LINGO2: variants seen among roughly 807,000 people sequenced by gnomAD.
The protein encoded by LINGO2 is leucine-rich repeat and immunoglobulin-like domain-containing nogo receptor-interacting protein 2.
LINGO2 carries 14 observed loss-of-function variants against 30.6 expected under a neutral mutation model. That is an observed-to-expected ratio of 0.46 (90% confidence interval 0.30 to 0.72). LINGO2 has a LOEUF of 0.72. Among genes scored for constraint, LINGO2 ranks in the 30% least tolerant of loss-of-function variants. LINGO2 has a pLI of 0.07. For missense variants in LINGO2, 729 were observed against 751.7 expected, an observed-to-expected ratio of 0.97 and a Z score of 0.35; for synonymous variants, 317 against 288.5, an observed-to-expected ratio of 1.10 and a Z score of -1.00.
At chr9:29,067,898 AT>A in the LINGO2 span, among the ~76,000 whole-genome samples, 1 of 151,736 alleles carries the variant, frequency 6.6e-6, no homozygotes, top group African/African-American at 2.4e-5. Flanking sequence ...ATTTTCTCAA[AT>A]TTGCTATGGA....
At chr9:28,260,774 A>C (rs1190333957) in intron 4 of LINGO2, among the ~76,000 whole-genome samples, 2 of 151,920 alleles carry the variant, frequency 1.3e-5, no homozygotes, top group Admixed American at 1.3e-4. Flanking sequence ...AAAATAAATA[A>C]TGCCTTACCT....
intron 4 of LINGO2, among the ~76,000 whole-genome samples, chr9:28,226,220 CGA>C (rs1564058071): frequency 6.6e-6 from 1 of 152,004 alleles, no homozygotes. Flanking sequence ...TTAAATAGTA[CGA>C]GAGTGGTTGT....
At chr9:29,084,307 A>T in the LINGO2 span, among the ~76,000 whole-genome samples, 1 of 152,092 alleles carries the variant, frequency 6.6e-6, no homozygotes, top group South Asian at 2.1e-4. Flanking sequence ...CAAAAAGAGT[A>T]AGGATATTTT....
intron 1 of LINGO2, among the ~76,000 whole-genome samples, chr9:28,550,734 AG>A (rs1822235603): frequency 6.6e-6 from 1 of 151,718 alleles, no homozygotes. Flanking sequence ...AGTAAACACC[AG>A]TGAAAAATAG....
intron 1 of LINGO2, among the ~76,000 whole-genome samples, chr9:28,543,595 C>CA (rs913826111): frequency 4.0e-5 from 6 of 151,670 alleles, no homozygotes; most frequent in Admixed American, 3.9e-4. Flanking sequence ...AAAGTGTTAA[C>CA]AAAAAAAGGT....
chr9:28,921,199 T>G, the LINGO2 span, among the ~76,000 whole-genome samples: 5 of 152,304 alleles, frequency 3.3e-5, no homozygotes, highest in Admixed American at 1.3e-4. Flanking sequence ...TATTAAGCAG[T>G]TTCAGAGACA....
chr9:28,727,289 C>CTT, the LINGO2 span, among the ~76,000 whole-genome samples: 1 of 145,878 alleles, frequency 6.9e-6, no homozygotes, highest in African/African-American at 2.5e-5. Context: ...AAAAATCCTT[C>CTT]TTTTTTTTTT....
chr9:28,532,564 A>C (rs1353147956), intron 1 of LINGO2, among the ~76,000 whole-genome samples: 2 of 151,614 alleles, frequency 1.3e-5, no homozygotes, highest in Non-Finnish European at 2.9e-5. Flanking sequence ...TCAAGCTAAC[A>C]CTCTCTATGT....
At chr9:28,108,521 T>C (rs1219379144) in intron 4 of LINGO2, among the ~76,000 whole-genome samples, 1 of 152,010 alleles carries the variant, frequency 6.6e-6, no homozygotes, top group Non-Finnish European at 1.5e-5. Context: ...GAGAGTAACA[T>C]CAAATCCAAG....
At chr9:28,024,892 G>A (rs1052453064) in intron 4 of LINGO2, among the ~76,000 whole-genome samples, 1 of 152,178 alleles carries the variant, frequency 6.6e-6, no homozygotes, top group African/African-American at 2.4e-5. Flanking sequence ...GTCCTTACTA[G>A]AGAGTAGGGG....
the LINGO2 span, among the ~76,000 whole-genome samples, chr9:29,038,702 G>A: frequency 3.4e-3 from 466 of 136,740 alleles, 5 homozygotes; most frequent in African/African-American, 0.012. Context: ...CATGAAAAAA[G>A]TTTTATCCTG....
intron 1 of LINGO2, among the ~76,000 whole-genome samples, chr9:28,574,091 C>T (rs1198628461): frequency 6.6e-6 from 1 of 152,024 alleles, no homozygotes; most frequent in Non-Finnish European, 1.5e-5. Flanking sequence ...AATCAGACAT[C>T]GAAAGAATGT....
chr9:28,759,663 T>C, the LINGO2 span, among the ~76,000 whole-genome samples: 27 of 149,982 alleles, frequency 1.8e-4, no homozygotes, highest in Middle Eastern at 7.0e-3. Flanking sequence ...GCCTGGGCGA[T>C]AGAGCAAGAA....
the LINGO2 span, among the ~76,000 whole-genome samples, chr9:29,138,249 T>C: frequency 3.3e-5 from 5 of 152,148 alleles, no homozygotes; most frequent in Non-Finnish European, 7.4e-5. Flanking sequence ...ATGATAAATC[T>C]GCCTAAATTA....
intron 2 of LINGO2, among the ~76,000 whole-genome samples, chr9:28,434,421 G>T (rs921254250): frequency 4.6e-5 from 7 of 151,640 alleles, no homozygotes; most frequent in African/African-American, 1.7e-4. Context: ...AGACCCTCCT[G>T]GTTAGTCAAT....
the LINGO2 span, among the ~76,000 whole-genome samples, chr9:29,001,091 A>ATGTG: frequency 0.51 from 77,556 of 150,694 alleles, 20,889 homozygotes; most frequent in Non-Finnish European, 0.6. Flanking sequence ...GTATATTTGT[A>ATGTG]TGTGTGTGTG....
the LINGO2 span, among the ~76,000 whole-genome samples, chr9:28,942,905 A>C: frequency 2.6e-5 from 4 of 152,170 alleles, no homozygotes; most frequent in Non-Finnish European, 5.9e-5. Flanking sequence ...TGATCATTAC[A>C]TTTATCTAAG....
chr9:28,860,262 T>C, the LINGO2 span, among the ~76,000 whole-genome samples: 1 of 152,222 alleles, frequency 6.6e-6, no homozygotes, highest in African/African-American at 2.4e-5. Flanking sequence ...TCAGACATTA[T>C]GCTAGATATT....
At chr9:28,209,859 A>G (rs1820530487) in intron 4 of LINGO2, among the ~76,000 whole-genome samples, 1 of 151,818 alleles carries the variant, frequency 6.6e-6, no homozygotes, top group African/African-American at 2.4e-5. Flanking sequence ...TCAACAGATA[A>G]GTAAACAGAT....
Sources: gnomAD v4.1 joint callset for allele counts (sites outside exome capture counted in the v4.1 genomes callset) on GRCh38, gnomAD v4.1.1 for gene constraint, MANE v1.5 for transcripts, NCBI Gene and HGNC (gene_info 2026-07-23, HGNC 2026-07-21) for gene names.